BRSK2: variants seen among roughly 807,000 people sequenced by gnomAD.
BRSK2 encodes serine/threonine-protein kinase BRSK2.
Under a neutral mutation model 83.3 loss-of-function variants are expected in BRSK2, and 19 were observed. The observed-to-expected ratio is 0.23, with a 90% CI of 0.16 to 0.33. The LOEUF is 0.33. Ranked by LOEUF, BRSK2 falls within the 10% of genes least tolerant of loss-of-function variation. The pLI is 1.00. For synonymous variants in BRSK2, 519 were observed against 435.4 expected (o/e 1.19, Z -2.39); for missense variants, 798 against 1,042.3 (o/e 0.77, Z 3.23).
chr11:1,397,196 C>T (rs1846185758), intron 1 of BRSK2, among the ~76,000 whole-genome samples: 1 of 152,240 alleles, frequency 6.6e-6, no homozygotes, highest in African/African-American at 2.4e-5. Flanking sequence ...AAGCGGCCTG[C>T]AGATCTCCCT....
intron 1 of BRSK2, among the ~76,000 whole-genome samples, chr11:1,426,230 GGGGCGTGCTCCGGGGATGTGTGT>G (rs1849199238): frequency 3.3e-5 from 3 of 91,780 alleles, no homozygotes; most frequent in African/African-American, 1.4e-4. Context: ...GGATGTGTGT[GGGGCGTGCTCCGGGGATGTGTGT>G]GGGGCGTGCT....
chr11:1,401,368 T>C (rs1458341751), intron 1 of BRSK2, among the ~76,000 whole-genome samples: 1 of 152,232 alleles, frequency 6.6e-6, no homozygotes, highest in Non-Finnish European at 1.5e-5. Flanking sequence ...GAAGTGTCTG[T>C]GTCTCATAGT....
chr11:1,425,758 C>T (rs118078201), intron 1 of BRSK2, among the ~76,000 whole-genome samples: 3,584 of 152,308 alleles, frequency 0.024, 56 homozygotes, highest in Non-Finnish European at 0.033. Context: ...AACCCACCCC[C>T]TTCTGGGCGA....
At chr11:1,432,928 T>C (rs867124929) in intron 1 of BRSK2, among the ~76,000 whole-genome samples, 1 of 658 alleles carries the variant, frequency 1.5e-3, no homozygotes. Context: ...GCCACTGTGC[T>C]CAGCAGTGAG....
At chr11:1,424,240 G>A (rs1337036622) in intron 1 of BRSK2, among the ~76,000 whole-genome samples, 2 of 152,214 alleles carry the variant, frequency 1.3e-5, no homozygotes, top group Non-Finnish European at 2.9e-5. Flanking sequence ...TGGAGTGACA[G>A]TGGGTCCTGC....
chr11:1,442,440 C>T (rs372850636), intron 4 of BRSK2, 50 bp from the exon 5 acceptor site: 69 of 1,473,446 alleles, frequency 4.7e-5, no homozygotes, highest in Admixed American at 1.2e-4. Flanking sequence ...GGCGGGGAGG[C>T]GCTCAAGGCA....
intron 3 of BRSK2, among the ~76,000 whole-genome samples, chr11:1,439,030 G>A (rs762898437): frequency 4.6e-5 from 7 of 152,220 alleles, no homozygotes; most frequent in Non-Finnish European, 7.4e-5. Flanking sequence ...CTTTCTGACA[G>A]ATGAGGCGCT....
At chr11:1,396,791 G>A (rs376853870) in intron 1 of BRSK2, among the ~76,000 whole-genome samples, 314 of 152,292 alleles carry the variant, frequency 2.1e-3, no homozygotes, top group Admixed American at 3.5e-3. Context: ...GCCGGCCGCC[G>A]GCATCCACCT....
At chr11:1,442,917 G>A (rs1012592103) in intron 5 of BRSK2, among the ~76,000 whole-genome samples, 189 bp from the exon 6 acceptor site, 1 of 152,156 alleles carries the variant, frequency 6.6e-6, no homozygotes, top group African/African-American at 2.4e-5. Context: ...ACAGCTTTGG[G>A]CGCAGCAGAG....
At chr11:1,392,708 C>T (rs80051556) in intron 1 of BRSK2, among the ~76,000 whole-genome samples, 34 of 152,326 alleles carry the variant, frequency 2.2e-4, no homozygotes, top group Non-Finnish European at 3.7e-4. Context: ...GCCTGGAGGA[C>T]GCCCTTCTAG....
At chr11:1,404,169 G>A (rs1470616272) in intron 1 of BRSK2, among the ~76,000 whole-genome samples, 2 of 152,202 alleles carry the variant, frequency 1.3e-5, no homozygotes, top group Admixed American at 6.5e-5. Flanking sequence ...TGGGAGGTTG[G>A]AGACTCAGCC....
Position 1,420,699 on chromosome 11 carries a change from G to A in BRSK2, c.92-15341G>A, listed in dbSNP as rs561691197. Reference sequence around the variant, plus strand: ...CCTCCACTGCCTAGACTGTCCCCTCGGGATACACCTCCTCCCTGCAGCCTC... The same window carrying A: ...CCTCCACTGCCTAGACTGTCCCCTCAGGATACACCTCCTCCCTGCAGCCTC... On this transcript the variant is annotated intron_variant, in intron 1 of 19. Coordinates refer to ENST00000528841, the MANE Select transcript of BRSK2 (RefSeq NM_001256627.2). Among the ~76,000 whole-genome samples the A allele has an allele frequency of 1.5e-4, 23 of 152,026 alleles. 1 individual carries two copies. The highest frequency in any genetic ancestry group is 3.9e-4 in the East Asian group (2 of 5,176).
In BRSK2 at chr11:1,460,823, G is replaced by A. The variant is rs1291755307; in HGVS notation, c.*100G>A. The A allele has an allele frequency of 2.6e-5, 39 of 1,518,726 alleles. No homozygotes were observed. Among genetic ancestry groups the A allele is most frequent in the African/African-American group, 1.1e-4 (8 of 71,044 alleles). The allele number at this position is 1,518,726 out of a possible 1,614,324, so 94.1% of individuals were successfully genotyped here. On this transcript the variant is annotated 3_prime_UTR_variant, in exon 20 of 20. Transcript: ENST00000528841. ...GGACCCGCGGCCGCGCCGCCCGTCC[G>A]TCCAGACTGTTCTCAGAGCCTGGGA...
Position 1,438,398 on chromosome 11 carries a change from A to G in BRSK2, c.272+7A>G, listed in dbSNP as rs1404576519. On this transcript the variant is annotated splice_region_variant and intron_variant, in intron 3 of 19. Coordinates refer to ENST00000528841, the MANE Select transcript of BRSK2 (RefSeq NM_001256627.2). The surrounding 1 kb of genome is among the most constrained non-coding windows in gnomAD (Gnocchi z 6.4). ...ATGAAAACAAAAAATATTTGTAGGTATTGCTGGGTCTGAAGAGCTGGGGTG... is the reference window on the plus strand; with the variant it reads ...ATGAAAACAAAAAATATTTGTAGGTGTTGCTGGGTCTGAAGAGCTGGGGTG... 3 of 1,612,404 alleles carry G rather than the reference A, an allele frequency of 1.9e-6. No individual in the cohort carries two copies. The highest frequency in any genetic ancestry group is 2.5e-6 in the Non-Finnish European group (3 of 1,178,804).
chr11:1,443,713 GGT>G, intron 8 of BRSK2, 78 bp downstream of exon 8: 6 of 1,366,274 alleles, frequency 4.4e-6, no homozygotes, highest in Non-Finnish European at 5.8e-6. Context: ...TGTGTGCACA[GGT>G]GTGTGCCCAG....
At position 1,460,576 on chromosome 11, in the gene BRSK2, C is replaced by A; in HGVS notation, c.2064C>A (p.Ala688=). ...AGAAGAACGGGCAGGCGGCCCAGGC[C>A]CCCAGCACGCCCGCCAAGCGGAGTG... The part of the protein sequence containing the change: ...SDEKNGQAAQ[A]PSTPAKRSAH... Residue 688 remains alanine, a synonymous_variant, in exon 20 of 20, where the codon GCC becomes GCA. Transcript: ENST00000528841. The A allele has an allele frequency of 6.5e-7, 1 of 1,533,492 alleles. No individual in the cohort carries two copies. The highest frequency in any genetic ancestry group is 2.4e-5 in the East Asian group (1 of 40,886). The allele number at this position is 1,533,492 out of a possible 1,614,324, so 95.0% of individuals were successfully genotyped here.
chr11:1,416,088 G>T (rs565536130), intron 1 of BRSK2, among the ~76,000 whole-genome samples: 1 of 152,410 alleles, frequency 6.6e-6, no homozygotes, highest in East Asian at 1.9e-4. Context: ...GCAATGGCCA[G>T]GGCCTGGGGC....
intron 8 of BRSK2, 145 bp from the exon 9 acceptor site, chr11:1,444,826 C>T: frequency 1.4e-6 from 1 of 704,710 alleles, no homozygotes. Context: ...TCCCTATCTT[C>T]CTCCCCACCT....
Position 1,438,410 on chromosome 11 carries a change from G to A in BRSK2, c.272+19G>A, listed in dbSNP as rs1407979270. 6.2e-7 allele frequency: 1 copy of A among 1,611,168 alleles called. No individual in the cohort carries two copies. Among genetic ancestry groups the A allele is most frequent in the East Asian group, 2.2e-5 (1 of 44,866 alleles). On this transcript the variant is annotated intron_variant, in intron 3 of 19. Coordinates refer to ENST00000528841, the MANE Select transcript of BRSK2 (RefSeq NM_001256627.2). The surrounding 1 kb of genome is among the most constrained non-coding windows in gnomAD (Gnocchi z 6.4). ...AATATTTGTAGGTATTGCTGGGTCT[G>A]AAGAGCTGGGGTGGCGGAGGTGGCA...
Sources: allele counts gnomAD v4.1 joint callset (sites outside exome capture counted in the v4.1 genomes callset), GRCh38; gene constraint gnomAD v4.1.1; non-coding constraint Gnocchi (gnomAD v3.1); transcripts MANE v1.5; gene names NCBI Gene and HGNC (gene_info 2026-07-23, HGNC 2026-07-21).